ANO2: variants seen among roughly 807,000 people sequenced by gnomAD.
The protein encoded by ANO2 is anoctamin 2.
A neutral mutation model predicts 124.2 loss-of-function variants in ANO2; 101 were observed. The observed-to-expected ratio is 0.81, with a 90% CI of 0.69 to 0.96. ANO2 has a LOEUF of 0.96. Among genes scored for constraint, ANO2 ranks in the 40% least tolerant of loss-of-function variants. The pLI is 0.00. For synonymous variants in ANO2, 486 were observed against 482.5 expected (o/e 1.01, Z -0.09); for missense variants, 1,293 against 1,274.5 (o/e 1.01, Z -0.22).
chr12:5,884,127 T>C (rs1177881481), intron 3 of ANO2, among the ~76,000 whole-genome samples: 1 of 152,192 alleles, frequency 6.6e-6, no homozygotes, highest in Non-Finnish European at 1.5e-5. Context: ...GGCCCCATTA[T>C]AAAGGGAAGA....
rs759445958 is a variant in ANO2, at chr12:5,832,444, A to G, written c.785+8T>C. 2 of 1,613,760 alleles carry G rather than the reference A, an allele frequency of 1.2e-6. No individual in the cohort carries two copies. The highest frequency in any genetic ancestry group is 1.7e-5 in the Admixed American group (1 of 59,994). On this transcript the variant is annotated splice_region_variant and intron_variant, in intron 5 of 24. Coordinates refer to ENST00000682330, the MANE Select transcript of ANO2 (RefSeq NM_001364791.2). The stretch of plus-strand genomic sequence containing the variant: ...CCACATCTCTGCTCCAGCAGCTTCA[A>G]TACTCACAGGTACATCTTCTCCCTG...
At chr12:5,749,575 TA>T (rs1951377516) in intron 11 of ANO2, among the ~76,000 whole-genome samples, 1 of 152,244 alleles carries the variant, frequency 6.6e-6, no homozygotes, top group South Asian at 2.1e-4. Context: ...CTTTTTCACT[TA>T]ATCTAGTTCA....
In ANO2 at chr12:5,563,327, G is replaced by T; in HGVS notation, c.2969C>A (p.Ser990Ter). Residue 990 changes from serine (S) to a stop codon, truncating the protein, a stop_gained, in exon 25 of 25, where the codon TCG becomes TAG. Coordinates refer to ENST00000682330, the MANE Select transcript of ANO2 (RefSeq NM_001364791.2). LOFTEE classifies it high-confidence loss of function. ...CACATTGGTGTGCTGAGAGCCTGAC[G>T]ACATCATGCTGCCCAGCTGGCTTTG... ...SGQSQLGSMM[S>*]SGSQHTNV 6.2e-7 allele frequency: 1 copy of T among 1,602,584 alleles called. No individual in the cohort carries two copies. Among genetic ancestry groups the T allele is most frequent in the South Asian group, 1.1e-5 (1 of 89,314 alleles).
At chr12:5,656,379 C>G (rs1463406426) in intron 14 of ANO2, among the ~76,000 whole-genome samples, 1 of 152,182 alleles carries the variant, frequency 6.6e-6, no homozygotes, top group Non-Finnish European at 1.5e-5. Flanking sequence ...TATCCTAACT[C>G]AACCACGTGA....
intron 10 of ANO2, among the ~76,000 whole-genome samples, chr12:5,754,018 T>C (rs1430263877): frequency 2.6e-5 from 4 of 152,234 alleles, no homozygotes; most frequent in African/African-American, 7.2e-5. Flanking sequence ...GAGATTTTCA[T>C]GAATGACTTC....
intron 24 of ANO2, 105 bp downstream of exon 24, chr12:5,565,453 C>A: frequency 9.9e-7 from 1 of 1,012,232 alleles, no homozygotes; most frequent in South Asian, 1.5e-5. Context: ...TTTCTTATGT[C>A]ACAGAGTACC....
rs114451298 is a variant in ANO2 at position 5,790,039 on chromosome 12, C to T, written c.1055+9468G>A. ...GCCGTGTCCCTGGTAACTCACAGGACGCCAGTCCCCTTGCTCCTTCTAAGG... is the reference window on the plus strand; with the variant it reads ...GCCGTGTCCCTGGTAACTCACAGGATGCCAGTCCCCTTGCTCCTTCTAAGG... On this transcript the variant is annotated intron_variant, in intron 10 of 24. Coordinates refer to ENST00000682330, the MANE Select transcript of ANO2 (RefSeq NM_001364791.2). Among the ~76,000 whole-genome samples, 959 of 152,316 alleles carry T rather than the reference C, an allele frequency of 6.3e-3. 7 individuals are homozygous for T. Among genetic ancestry groups the T allele is most frequent in the African/African-American group, 0.02 (824 of 41,574 alleles).
intron 4 of ANO2, among the ~76,000 whole-genome samples, chr12:5,848,773 C>T (rs1316333476): frequency 2.6e-5 from 4 of 152,220 alleles, no homozygotes; most frequent in Admixed American, 6.5e-5. Flanking sequence ...GCTGCCTTGG[C>T]AGAGTTGAGG....
At chr12:5,927,737 C>T (rs967744591) in intron 1 of ANO2, among the ~76,000 whole-genome samples, 1 of 152,248 alleles carries the variant, frequency 6.6e-6, no homozygotes, top group Non-Finnish European at 1.5e-5. Flanking sequence ...AGCCCACATG[C>T]TGATGGGGCA....
At chr12:5,912,982 C>T (rs1941144645) in intron 3 of ANO2, among the ~76,000 whole-genome samples, 1 of 152,160 alleles carries the variant, frequency 6.6e-6, no homozygotes, top group East Asian at 1.9e-4. Flanking sequence ...CACAAGCAAC[C>T]ATCCCACTCC....
intron 14 of ANO2, among the ~76,000 whole-genome samples, chr12:5,694,033 G>C (rs1160186320): frequency 2.6e-5 from 4 of 152,096 alleles, no homozygotes; most frequent in Admixed American, 1.3e-4. Context: ...AACCCCTTGA[G>C]AGCAGGGATT....
chr12:5,732,900 G>A, intron 13 of ANO2: 1 of 1,613,904 alleles, frequency 6.2e-7, no homozygotes, highest in South Asian at 1.1e-5. Flanking sequence ...CCGGTGTTGA[G>A]AAAAAGAGAG....
In ANO2 at chr12:5,750,826, A is replaced by G. The variant is rs945780226; in HGVS notation, c.1190+10T>C. On this transcript the variant is annotated intron_variant, in intron 11 of 24. Transcript: ENST00000682330. ...TGGCAACTGAGCCCTTTTCTTTAAA[A>G]CTGATTTACCTGGGAATATCTTCTT... 7 of 1,607,732 alleles carry G rather than the reference A, an allele frequency of 4.4e-6. No homozygotes were observed. The highest frequency in any genetic ancestry group is 1.3e-5 in the African/African-American group (1 of 74,614).
In ANO2 at chr12:5,772,309, T is replaced by C. The variant is rs561171185; in HGVS notation, c.1056-21339A>G. 2.0e-5 allele frequency among the ~76,000 whole-genome samples: 3 copies of C among 152,328 alleles called. No individual in the cohort carries two copies. In the East Asian group the frequency reaches 5.8e-4, roughly 29 times the overall value. On this transcript the variant is annotated intron_variant, in intron 10 of 24. Transcript: ENST00000682330. ...GTTAAAAGGGAAGGGAGTTATTACA[T>C]CAATTACATCCGACTGGCTTTTCAT...
At chr12:5,945,865 T>A (rs1027041065), upstream of ANO2, among the ~76,000 whole-genome samples, 1 of 151,428 alleles carries the variant, frequency 6.6e-6, no homozygotes, top group Non-Finnish European at 1.5e-5. Flanking sequence ...GGAGGAGGGG[T>A]CCATTTTACA....
chr12:5,790,234 GAGA>G (rs759987092), intron 10 of ANO2, among the ~76,000 whole-genome samples: 22 of 152,194 alleles, frequency 1.4e-4, no homozygotes, highest in Non-Finnish European at 2.6e-4. Flanking sequence ...GGAGAGATGA[GAGA>G]AGAACTGAAA....
chr12:5,624,350 T>C (rs957396439), intron 16 of ANO2, among the ~76,000 whole-genome samples: 1 of 152,076 alleles, frequency 6.6e-6, no homozygotes, highest in Non-Finnish European at 1.5e-5. Context: ...ATCCAGCACC[T>C]ACTATGTGCC....
At chr12:5,565,103 C>T (rs1941672559) in intron 24 of ANO2, among the ~76,000 whole-genome samples, 1 of 152,090 alleles carries the variant, frequency 6.6e-6, no homozygotes, top group South Asian at 2.1e-4. Flanking sequence ...CCCTTCTCAC[C>T]AGATGTCTCA....
chr12:5,944,945 TC>T (rs1192265179), intron 1 of ANO2, among the ~76,000 whole-genome samples: 1 of 151,644 alleles, frequency 6.6e-6, no homozygotes, highest in Non-Finnish European at 1.5e-5. Context: ...ACCTCTGTTG[TC>T]CTACCTTCCC....
Sources: allele counts gnomAD v4.1 joint callset (sites outside exome capture counted in the v4.1 genomes callset), GRCh38; gene constraint gnomAD v4.1.1; transcripts MANE v1.5; gene names NCBI Gene and HGNC (gene_info 2026-07-23, HGNC 2026-07-21).